SCN2A: variants seen among roughly 807,000 people sequenced by gnomAD.
SCN2A encodes sodium voltage-gated channel alpha subunit 2, also known as sodium channel protein type 2 subunit alpha.
SCN2A carries 20 observed loss-of-function variants against 188.7 expected under a neutral mutation model. The observed-to-expected ratio is 0.11, with a 90% confidence interval of 0.07 to 0.15. The LOEUF (loss-of-function observed/expected upper bound fraction) is 0.15, where lower values mean the gene tolerates loss of function less well. Among genes scored for constraint, SCN2A ranks in the 10% least tolerant of loss-of-function variants. The pLI, the probability that SCN2A is intolerant of heterozygous loss-of-function variation, is 1.00. For synonymous variants in SCN2A, 804 were observed against 833.1 expected, an observed-to-expected ratio of 0.97 and a Z score of 0.60; for missense variants, 1,278 against 2,445.0, an observed-to-expected ratio of 0.52 and a Z score of 10.07.
At chr2:165,309,927 T>G (rs997507) in intron 6 of SCN2A, among the ~76,000 whole-genome samples, 39,348 of 152,106 alleles carry the variant, frequency 0.26, 5,274 homozygotes, top group African/African-American at 0.28. Context: ...ATTCATCGAC[T>G]TCAAGATTTC....
At chr2:165,308,630 T>G in intron 4 of SCN2A, 36 bp from the exon 5 acceptor site, 2 of 1,603,852 alleles carry the variant, frequency 1.2e-6, no homozygotes, top group East Asian at 2.2e-5. Context: ...AATTAACCAC[T>G]AGATTTTTAA....
At chr2:165,287,429 A>G (rs1049930420) in intron 1 of SCN2A, among the ~76,000 whole-genome samples, 2 of 151,666 alleles carry the variant, frequency 1.3e-5, no homozygotes, top group South Asian at 2.1e-4. Context: ...AAACTCTGCC[A>G]TTTTGCCTCT....
chr2:165,301,465 C>T (rs962320923), intron 3 of SCN2A, among the ~76,000 whole-genome samples: 3 of 152,096 alleles, frequency 2.0e-5, no homozygotes, highest in East Asian at 1.9e-4. Flanking sequence ...TATCAGAAAA[C>T]GTAGATTCAA....
chr2:165,348,266 C>T (rs970958571), intron 16 of SCN2A, among the ~76,000 whole-genome samples: 1 of 149,112 alleles, frequency 6.7e-6, no homozygotes. Flanking sequence ...AGCTGAGGCA[C>T]GAGAATTGCT....
At chr2:165,355,652 C>T (rs942088831) in intron 17 of SCN2A, among the ~76,000 whole-genome samples, 7 of 151,980 alleles carry the variant, frequency 4.6e-5, no homozygotes, top group South Asian at 2.1e-4. Context: ...GAAAGAATGA[C>T]GACATGGGGG....
At chr2:165,284,973 A>G (rs1048176991) in intron 1 of SCN2A, among the ~76,000 whole-genome samples, 2 of 152,216 alleles carry the variant, frequency 1.3e-5, no homozygotes, top group African/African-American at 4.8e-5. Flanking sequence ...TAAAATAAAA[A>G]TGCTTCCATT....
At chr2:165,260,791 AC>A (rs1169952014) in intron 1 of SCN2A, among the ~76,000 whole-genome samples, 5 of 150,104 alleles carry the variant, frequency 3.3e-5, no homozygotes, top group South Asian at 4.2e-4. Flanking sequence ...ACATGAAGAA[AC>A]CCCCCTCTCT....
chr2:165,278,984 C>CAGGA (rs997863839), intron 1 of SCN2A, among the ~76,000 whole-genome samples: 1 of 151,570 alleles, frequency 6.6e-6, no homozygotes, highest in South Asian at 2.1e-4. Flanking sequence ...GGCAGGCAGG[C>CAGGA]AGGAAGGAAG....
At chr2:165,289,652 A>G (rs1256094846) in intron 1 of SCN2A, among the ~76,000 whole-genome samples, 1 of 152,108 alleles carries the variant, frequency 6.6e-6, no homozygotes, top group African/African-American at 2.4e-5. Flanking sequence ...CCAATGTATG[A>G]TTTCTGAAAA....
At chr2:165,268,392 CAATAAATGGGAT>C (rs2106100478) in intron 1 of SCN2A, 1 of 152,012 alleles carries the variant, frequency 6.6e-6, no homozygotes, top group East Asian at 1.9e-4. Context: ...ATATGTAACT[CAATAAATGGGAT>C]ACATCACATA....
chr2:165,303,436 C>T (rs1696949045), intron 3 of SCN2A, among the ~76,000 whole-genome samples: 2 of 151,852 alleles, frequency 1.3e-5, no homozygotes, highest in Admixed American at 6.6e-5. Context: ...CCACCACGCC[C>T]GGCTGATTTT....
At chr2:165,384,913 G>C (rs1336582911) in intron 25 of SCN2A, among the ~76,000 whole-genome samples, 8 of 152,024 alleles carry the variant, frequency 5.3e-5, no homozygotes, top group African/African-American at 1.9e-4. Flanking sequence ...AATATCAGAG[G>C]GTGGAAGTAA....
intron 1 of SCN2A, among the ~76,000 whole-genome samples, chr2:165,292,855 G>A (rs1696292759): frequency 6.6e-6 from 1 of 152,138 alleles, no homozygotes; most frequent in South Asian, 2.1e-4. Context: ...TATCCAATAG[G>A]GTTGTGTGGA....
intron 17 of SCN2A, among the ~76,000 whole-genome samples, chr2:165,360,669 A>C (rs1427077194): frequency 1.3e-5 from 2 of 151,902 alleles, no homozygotes; most frequent in Non-Finnish European, 2.9e-5. Context: ...TATTTTGTTA[A>C]ATTTTAACTA....
intron 3 of SCN2A, among the ~76,000 whole-genome samples, chr2:165,299,100 C>A (rs797013825): frequency 2.0e-5 from 3 of 151,752 alleles, no homozygotes; most frequent in African/African-American, 7.2e-5. Context: ...AAACTATTGT[C>A]CCCACTTGAA....
intron 14 of SCN2A, among the ~76,000 whole-genome samples, chr2:165,333,817 A>C (rs547711733): frequency 1.3e-5 from 2 of 151,542 alleles, no homozygotes; most frequent in Non-Finnish European, 3.0e-5. Flanking sequence ...GAGAAAAATC[A>C]ATAAAACCAA....
chr2:165,376,749 AAG>A (rs1421632532), intron 22 of SCN2A, among the ~76,000 whole-genome samples: 1 of 151,198 alleles, frequency 6.6e-6, no homozygotes, highest in African/African-American at 2.4e-5. Context: ...TAGATAGAGA[AAG>A]AGAGAGAGAC....
At chr2:165,372,876 G>T in intron 20 of SCN2A, 1 of 263,606 alleles carries the variant, frequency 3.8e-6, no homozygotes, top group Non-Finnish European at 7.4e-6. Flanking sequence ...TTACAGATCT[G>T]TAGAGGAAGA....
intron 16 of SCN2A, among the ~76,000 whole-genome samples, chr2:165,350,460 CTTTCTTTTTTTTTTTTTTT>C (rs1162041255): frequency 1.3e-5 from 1 of 77,918 alleles, no homozygotes; most frequent in Non-Finnish European, 2.7e-5. Context: ...GAACTGTTTT[CTTTCTTTTTTTTTTTTTTT>C]TTTTTTTTTT....
Sources: allele counts gnomAD v4.1 joint callset (sites outside exome capture counted in the v4.1 genomes callset), GRCh38; gene constraint gnomAD v4.1.1; transcripts MANE v1.5; gene names NCBI Gene and HGNC (gene_info 2026-07-23, HGNC 2026-07-21).